The following TTC27 variants were observed in gnomAD, a reference collection of about 807,000 sequenced individuals.
The protein encoded by TTC27 is tetratricopeptide repeat domain 27.
Under a neutral mutation model 115.9 loss-of-function variants are expected in TTC27, and 79 were observed. The ratio of observed to expected loss-of-function variants is 0.68; its 90% confidence interval spans 0.57 to 0.82. TTC27 has a LOEUF of 0.82. TTC27 is among the 40% of genes least tolerant of loss of function. TTC27 has a pLI of 0.00. For synonymous variants in TTC27, 401 were observed against 356.0 expected, an observed-to-expected ratio of 1.13 and a Z score of -1.42; for missense variants, 1,054 against 993.1, an observed-to-expected ratio of 1.06 and a Z score of -0.82.
chr2:32,678,497 G>A (rs759130048), intron 8 of TTC27, among the ~76,000 whole-genome samples: 2 of 151,616 alleles, frequency 1.3e-5, no homozygotes, highest in South Asian at 2.1e-4. Flanking sequence ...TCGCGATCTC[G>A]GCTCACTGCA....
chr2:32,751,258 C>CCACACACACACACA (rs56183534), intron 12 of TTC27, among the ~76,000 whole-genome samples: 48 of 140,814 alleles, frequency 3.4e-4, no homozygotes, highest in African/African-American at 6.1e-4. Context: ...GTAGGTTAAA[C>CCACACACACACACA]CACACACACA....
intron 5 of TTC27, among the ~76,000 whole-genome samples, chr2:32,652,277 A>G (rs961757288): frequency 2.0e-5 from 3 of 152,192 alleles, no homozygotes; most frequent in African/African-American, 7.2e-5. Flanking sequence ...AGGCTGAGGC[A>G]GGAGAATGGT....
At position 32,811,096 on chromosome 2, in the gene TTC27, A is replaced by G. The variant is rs1671300765; in HGVS notation, c.2071A>G (p.Lys691Glu). ...DRSGDVATGL[K>E]GKLQELFGRV... ...AAGTGGAGATGTTGCAACTGGCCTC[A>G]AAGGAAAGCTGCAGGAGTTATTTGG... is the stretch of plus-strand genomic sequence containing the variant. Residue 691 changes from lysine to glutamate, a missense_variant, in exon 17 of 20, where the codon AAA becomes GAA. By Grantham distance (56) the Lys-to-Glu change is moderately conservative. Coordinates refer to ENST00000317907, the MANE Select transcript of TTC27 (RefSeq NM_017735.5). 1.2e-6 allele frequency: 2 copies of G among 1,614,064 alleles called. No homozygotes were observed. Among genetic ancestry groups the G allele is most frequent in the Non-Finnish European group, 1.7e-6 (2 of 1,180,024 alleles).
chr2:32,793,810 A>T (rs1458644606), intron 16 of TTC27, among the ~76,000 whole-genome samples: 3 of 152,254 alleles, frequency 2.0e-5, no homozygotes, highest in Admixed American at 6.5e-5. Context: ...GGTGTGAGCC[A>T]CCATACCCGG....
chr2:32,702,965 T>C (rs1667241174), intron 10 of TTC27, 45 bp downstream of exon 10: 2 of 1,312,514 alleles, frequency 1.5e-6, no homozygotes, highest in Non-Finnish European at 2.2e-6. Flanking sequence ...CAACTCTCTA[T>C]TGCTATCAGT....
intron 10 of TTC27, among the ~76,000 whole-genome samples, chr2:32,707,841 C>T (rs1667429613): frequency 1.3e-5 from 2 of 151,896 alleles, no homozygotes; most frequent in South Asian, 4.2e-4. Context: ...TATCATTCTT[C>T]AACAAAGGGT....
At position 32,632,301 on chromosome 2, in the gene TTC27, G is replaced by A. The variant is rs181909110; in HGVS notation, c.267-1575G>A. Among the ~76,000 whole-genome samples the A allele has an allele frequency of 2.5e-3, 386 of 151,658 alleles. 6 individuals carry two copies. Among genetic ancestry groups the A allele is most frequent in the African/African-American group, 9.1e-3 (377 of 41,330 alleles). On this transcript the variant is annotated intron_variant, in intron 2 of 19. Transcript: ENST00000317907. ...GGGGATTATAGGCATGAGTCACTCC[G>A]CCCGGCTGGATTCTCATTGCTTTCT...
chr2:32,769,843 A>T (rs1310802041), intron 13 of TTC27, among the ~76,000 whole-genome samples: 1 of 152,148 alleles, frequency 6.6e-6, no homozygotes, highest in Non-Finnish European at 1.5e-5. Context: ...TAAGACACAG[A>T]CTCCTGCCCT....
At chr2:32,777,464 C>T (rs1403041271) in intron 13 of TTC27, among the ~76,000 whole-genome samples, 1 of 152,152 alleles carries the variant, frequency 6.6e-6, no homozygotes, top group African/African-American at 2.4e-5. Flanking sequence ...TAACACAGTG[C>T]AAATGCTATA....
intron 13 of TTC27, among the ~76,000 whole-genome samples, chr2:32,766,232 A>G (rs1669621349): frequency 6.6e-6 from 1 of 152,136 alleles, no homozygotes; most frequent in Admixed American, 6.5e-5. Flanking sequence ...ATACAGGTAT[A>G]TGTTGTATTA....
At chr2:32,744,713 C>T (rs1019556197) in intron 12 of TTC27, among the ~76,000 whole-genome samples, 10 of 152,136 alleles carry the variant, frequency 6.6e-5, no homozygotes, top group Non-Finnish European at 1.0e-4. Context: ...CATGGTCATT[C>T]ATTTAGTAAG....
intron 9 of TTC27, among the ~76,000 whole-genome samples, chr2:32,686,388 C>T (rs1192096321): frequency 1.3e-5 from 2 of 151,926 alleles, no homozygotes; most frequent in South Asian, 2.1e-4. Context: ...TTTTCTGAGA[C>T]GTAGTCTTAC....
chr2:32,804,646 A>T (rs140969011), intron 16 of TTC27, among the ~76,000 whole-genome samples: 1,849 of 152,176 alleles, frequency 0.012, 28 homozygotes, highest in African/African-American at 0.041. Context: ...TAAAACTTAC[A>T]CATAATAAAA....
At chr2:32,801,700 C>G (rs553219079) in intron 16 of TTC27, among the ~76,000 whole-genome samples, 6 of 152,216 alleles carry the variant, frequency 3.9e-5, no homozygotes, top group Admixed American at 3.9e-4. Flanking sequence ...AGATCCAATA[C>G]CTCACTGGGA....
intron 7 of TTC27, among the ~76,000 whole-genome samples, chr2:32,671,870 C>A (rs1418947513): frequency 6.6e-6 from 1 of 152,192 alleles, no homozygotes. Context: ...CTATCACATA[C>A]TTTGAGTGTG....
chr2:32,763,080 T>C (rs2147999141), intron 13 of TTC27, among the ~76,000 whole-genome samples: 1 of 152,306 alleles, frequency 6.6e-6, no homozygotes, highest in South Asian at 2.1e-4. Flanking sequence ...ATTATTTACG[T>C]AGACAAAGAA....
At chr2:32,731,727 T>C (rs1668299580) in intron 10 of TTC27, among the ~76,000 whole-genome samples, 1 of 152,188 alleles carries the variant, frequency 6.6e-6, no homozygotes, top group East Asian at 1.9e-4. Context: ...TGGGGGCTTA[T>C]TCATGGCATT....
intron 8 of TTC27, among the ~76,000 whole-genome samples, chr2:32,674,490 G>C (rs1451663794): frequency 6.6e-6 from 1 of 151,956 alleles, no homozygotes; most frequent in Non-Finnish European, 1.5e-5. Flanking sequence ...TCACCCTTTG[G>C]TGTTCACCTT....
chr2:32,730,769 G>T (rs1345694559), intron 10 of TTC27, among the ~76,000 whole-genome samples: 2 of 151,708 alleles, frequency 1.3e-5, no homozygotes, highest in Non-Finnish European at 2.9e-5. Flanking sequence ...TTACAGGCCT[G>T]CGCCACCACA....
Sources: gnomAD v4.1 joint callset for allele counts (sites outside exome capture counted in the v4.1 genomes callset) on GRCh38, gnomAD v4.1.1 for gene constraint, MANE v1.5 for transcripts, NCBI Gene and HGNC (gene_info 2026-07-23, HGNC 2026-07-21) for gene names.